The following DMD variants were observed in gnomAD, a reference collection of about 807,000 sequenced individuals.
The protein encoded by DMD is dystrophin.
DMD carries 63 observed loss-of-function variants against 330.1 expected under a neutral mutation model. The ratio of observed to expected loss-of-function variants is 0.19; its 90% CI spans 0.16 to 0.24. The LOEUF is 0.24. Ranked by LOEUF, DMD falls within the 10% of genes least tolerant of loss-of-function variation. The pLI, the probability that DMD is intolerant of heterozygous loss-of-function variation, is 1.00. For synonymous variants in DMD, 1,223 were observed against 959.8 expected, an observed-to-expected ratio of 1.27 and a Z score of -5.07; for missense variants, 3,344 against 2,684.1, an observed-to-expected ratio of 1.25 and a Z score of -5.43.
At chrX:31,126,388 C>T (rs2033657349) in intron 78 of DMD, among the ~76,000 whole-genome samples, 1 of 111,506 alleles carries the variant, frequency 9.0e-6, no homozygotes, top group East Asian at 2.8e-4. Context: ...CTAGGGACTA[C>T]AAAGGATTGC....
chrX:31,150,798 C>A (rs1267314665), intron 74 of DMD, among the ~76,000 whole-genome samples: 1 of 112,116 alleles, frequency 8.9e-6, no homozygotes, highest in Non-Finnish European at 1.9e-5. Context: ...TAGATCTCCA[C>A]ATGGAAGCAG....
chrX:32,350,689 C>T (rs1364723588), intron 37 of DMD, among the ~76,000 whole-genome samples: 3 of 110,989 alleles, frequency 2.7e-5, no homozygotes, highest in African/African-American at 9.8e-5. Flanking sequence ...TACTATGTTT[C>T]AAAAACCTTT....
At chrX:32,824,523 G>A (rs922356383) in intron 4 of DMD, among the ~76,000 whole-genome samples, 6 of 111,883 alleles carry the variant, frequency 5.4e-5, no homozygotes, top group Admixed American at 2.9e-4. Flanking sequence ...GTATGAATCC[G>A]TATCTATGAG....
chrX:32,345,829 A>G, intron 39 of DMD, 114 bp downstream of exon 39: 2 of 751,036 alleles, frequency 2.7e-6, no homozygotes, highest in Non-Finnish European at 1.9e-6. Context: ...GAACAGAAAA[A>G]GTGAGTTTCT....
At chrX:33,036,844 T>C (rs2094213035) in intron 1 of DMD, among the ~76,000 whole-genome samples, 1 of 110,653 alleles carries the variant, frequency 9.0e-6, no homozygotes, top group Non-Finnish European at 1.9e-5. Flanking sequence ...CATATACACA[T>C]ACATACGTAT....
chrX:32,053,155 C>T (rs62589974), intron 44 of DMD, among the ~76,000 whole-genome samples: 11,485 of 110,944 alleles, frequency 0.1, 510 homozygotes, highest in Admixed American at 0.15. Context: ...AGTTAGGTCA[C>T]GCATTCATGG....
chrX:31,820,812 G>C (rs2092737366), intron 49 of DMD, among the ~76,000 whole-genome samples: 1 of 111,922 alleles, frequency 8.9e-6, no homozygotes, highest in African/African-American at 3.3e-5. Flanking sequence ...TGTGCTGGTA[G>C]ATGTATATCA....
intron 1 of DMD, among the ~76,000 whole-genome samples, chrX:33,071,615 A>T (rs150032112): frequency 0.12 from 12,781 of 110,034 alleles, 625 homozygotes; most frequent in Middle Eastern, 0.14. Context: ...AGCTGAGCTT[A>T]AAGAATATAT....
At chrX:31,626,741 T>C (rs1376767662) in intron 55 of DMD, among the ~76,000 whole-genome samples, 3 of 112,194 alleles carry the variant, frequency 2.7e-5, no homozygotes, top group Non-Finnish European at 5.6e-5. Flanking sequence ...GATTTGATTC[T>C]GGAATTATTC....
At chrX:32,399,075 G>A (rs750356530) in intron 30 of DMD, among the ~76,000 whole-genome samples, 1 of 112,023 alleles carries the variant, frequency 8.9e-6, no homozygotes, top group Admixed American at 9.5e-5. Flanking sequence ...ACCGTATACA[G>A]AAATCAAATC....
chrX:32,750,125 A>T (rs778101321), intron 7 of DMD, among the ~76,000 whole-genome samples: 3 of 112,301 alleles, frequency 2.7e-5, no homozygotes, highest in African/African-American at 9.7e-5. Flanking sequence ...GATTTACAAC[A>T]TTAAGAATAA....
intron 1 of DMD, 39 bp downstream of exon 1, chrX:33,211,243 T>C: frequency 8.4e-7 from 1 of 1,196,618 alleles, no homozygotes. Flanking sequence ...CTAAACGTTA[T>C]GCCACAGTAA....
intron 44 of DMD, among the ~76,000 whole-genome samples, chrX:32,013,274 A>C (rs2095730448): frequency 9.2e-6 from 1 of 108,541 alleles, no homozygotes; most frequent in Non-Finnish European, 1.9e-5. Flanking sequence ...TTTAGTAGAG[A>C]TAGAGTTTCA....
chrX:32,680,910 C>T (rs1228875830), intron 9 of DMD, among the ~76,000 whole-genome samples: 1 of 111,844 alleles, frequency 8.9e-6, no homozygotes, highest in Non-Finnish European at 1.9e-5. Context: ...TCCACAGCTG[C>T]TCATCTACTT....
At chrX:32,567,674 G>A (rs192397603) in intron 15 of DMD, among the ~76,000 whole-genome samples, 177 of 112,700 alleles carry the variant, frequency 1.6e-3, no homozygotes, top group African/African-American at 5.4e-3. Context: ...TGGGATTACA[G>A]GCATGAGCCA....
intron 44 of DMD, among the ~76,000 whole-genome samples, chrX:32,152,313 A>C (rs942835036): frequency 1.8e-5 from 2 of 111,512 alleles, no homozygotes; most frequent in African/African-American, 3.3e-5. Context: ...TATATTGCAA[A>C]TGCTGTAACT....
intron 53 of DMD, among the ~76,000 whole-genome samples, chrX:31,673,229 A>G (rs1415846672): frequency 2.7e-5 from 3 of 112,205 alleles, no homozygotes; most frequent in African/African-American, 9.7e-5. Context: ...GGGAAAGGCC[A>G]ACTTAAAAAA....
At chrX:33,297,017 A>G (rs939108665) in intron 1 of DMD, among the ~76,000 whole-genome samples, 1 of 111,333 alleles carries the variant, frequency 9.0e-6, no homozygotes, top group Non-Finnish European at 1.9e-5. Flanking sequence ...TGTTTTAGAT[A>G]ACTTACGCTG....
intron 48 of DMD, among the ~76,000 whole-genome samples, chrX:31,852,872 T>G (rs1363504195): frequency 2.7e-5 from 3 of 112,341 alleles, no homozygotes; most frequent in Non-Finnish European, 5.6e-5. Context: ...AATTTATAAT[T>G]AGAATTTATT....
Sources: allele counts gnomAD v4.1 joint callset (sites outside exome capture counted in the v4.1 genomes callset), GRCh38; gene constraint gnomAD v4.1.1; transcripts MANE v1.5; gene names NCBI Gene and HGNC (gene_info 2026-07-23, HGNC 2026-07-21).